The following ZNF75D variants were observed in gnomAD, a reference collection of about 807,000 sequenced individuals.
ZNF75D encodes the protein zinc finger protein 75D.
Under a neutral mutation model 33.3 loss-of-function variants are expected in ZNF75D, and 33 were observed. The ratio of observed to expected loss-of-function variants is 0.99; its 90% CI spans 0.75 to 1.32. ZNF75D has a LOEUF of 1.32. Ranked by LOEUF, ZNF75D falls within the 40% of genes most tolerant of loss-of-function variation. The pLI, the probability that ZNF75D is intolerant of heterozygous loss-of-function variation, is 0.00. For synonymous variants in ZNF75D, 113 were observed against 130.6 expected, an observed-to-expected ratio of 0.87 and a Z score of 0.92; for missense variants, 338 against 367.5, an observed-to-expected ratio of 0.92 and a Z score of 0.66.
In ZNF75D at chrX:135,332,245, T is replaced by G. The variant is rs956099841; in HGVS notation, c.-391+9523A>C. Among the ~76,000 whole-genome samples, 10 of 111,569 alleles carry G rather than the reference T, an allele frequency of 9.0e-5. No individual in the cohort carries two copies. The Admixed American group carries it at 9.5e-4, about 11-fold the overall frequency. On this transcript the variant is annotated intron_variant, in intron 1 of 6. Transcript: ENST00000370766. Reference sequence around the variant, plus strand: ...GGATGCATAGTTACACATGGATAAATCTCACCATCATATTGAGTGAGAAAA... The same window carrying G: ...GGATGCATAGTTACACATGGATAAAGCTCACCATCATATTGAGTGAGAAAA...
At chrX:135,314,908 C>A (rs1164322175) in intron 1 of ZNF75D, among the ~76,000 whole-genome samples, 4 of 111,559 alleles carry the variant, frequency 3.6e-5, no homozygotes, top group Non-Finnish European at 7.6e-5. Context: ...TGTTTATCAA[C>A]CAACTTTTCA....
At chrX:135,314,861 C>T (rs1345028755) in intron 1 of ZNF75D, among the ~76,000 whole-genome samples, 2 of 111,485 alleles carry the variant, frequency 1.8e-5, no homozygotes, top group Non-Finnish European at 3.8e-5. Context: ...TGGGTCTTCT[C>T]TCTTCTTGAT....
At chrX:135,264,847 G>A (rs2083856721) in intron 1 of ZNF75D, among the ~76,000 whole-genome samples, 1 of 110,985 alleles carries the variant, frequency 9.0e-6, no homozygotes, top group Non-Finnish European at 1.9e-5. Context: ...AATCAGAGGA[G>A]ACAAAAGAAA....
chrX:135,328,342 T>C (rs782426469), intron 1 of ZNF75D, among the ~76,000 whole-genome samples: 25 of 111,558 alleles, frequency 2.2e-4, no homozygotes, highest in African/African-American at 6.2e-4. Flanking sequence ...GTAAAGACCC[T>C]GAGGCCATGT....
intron 1 of ZNF75D, among the ~76,000 whole-genome samples, chrX:135,323,127 TGTATTCAG>T (rs1292055981): frequency 8.9e-6 from 1 of 112,383 alleles, no homozygotes; most frequent in Non-Finnish European, 1.9e-5. Flanking sequence ...TCTTCACCCT[TGTATTCAG>T]GTTTTTTAAG....
chrX:135,304,516 GA>G (rs2084260018), intron 1 of ZNF75D, among the ~76,000 whole-genome samples: 1 of 111,156 alleles, frequency 9.0e-6, no homozygotes. Context: ...AGATCTCCAT[GA>G]AATCCCAGGG....
intron 1 of ZNF75D, among the ~76,000 whole-genome samples, chrX:135,271,695 C>A (rs1279883871): frequency 2.7e-5 from 3 of 112,008 alleles, no homozygotes; most frequent in African/African-American, 9.7e-5. Context: ...CTCTAAATAA[C>A]TCCAGATGGC....
intron 1 of ZNF75D, among the ~76,000 whole-genome samples, chrX:135,313,694 G>C: frequency 9.0e-6 from 1 of 111,451 alleles, no homozygotes; most frequent in African/African-American, 3.3e-5. Context: ...TTTCCTTGCA[G>C]AAATCTTTCA....
At chrX:135,276,548 G>C (rs1236670987) in intron 1 of ZNF75D, among the ~76,000 whole-genome samples, 1 of 111,321 alleles carries the variant, frequency 9.0e-6, no homozygotes, top group Admixed American at 9.5e-5. Flanking sequence ...GTGCAGGTTT[G>C]TTACATAGGT....
intron 5 of ZNF75D, 105 bp from the exon 6 acceptor site, chrX:135,291,240 T>G: frequency 9.9e-7 from 1 of 1,013,105 alleles, no homozygotes; most frequent in Non-Finnish European, 1.4e-6. Context: ...ATGTGAACAG[T>G]ACAAGATTTA....
intron 2 of ZNF75D, 118 bp from the exon 3 acceptor site, chrX:135,294,376 A>C: frequency 3.2e-6 from 1 of 308,850 alleles, no homozygotes; most frequent in Non-Finnish European, 5.6e-6. Context: ...TTCTTCTTTA[A>C]AATCAACTGC....
At chrX:135,337,872 G>A (rs2148497312) in intron 1 of ZNF75D, among the ~76,000 whole-genome samples, 1 of 111,177 alleles carries the variant, frequency 9.0e-6, no homozygotes, top group African/African-American at 3.3e-5. Flanking sequence ...GGCAGGGAAG[G>A]GTCAAGAAGG....
chrX:135,273,347 G>C (rs1170412653), intron 1 of ZNF75D, among the ~76,000 whole-genome samples: 1 of 110,865 alleles, frequency 9.0e-6, no homozygotes, highest in Non-Finnish European at 1.9e-5. Flanking sequence ...CGCAGCTCAG[G>C]GCGAACTCAC....
At chrX:135,274,775 C>G (rs959912669) in intron 1 of ZNF75D, among the ~76,000 whole-genome samples, 7 of 111,947 alleles carry the variant, frequency 6.3e-5, no homozygotes, top group African/African-American at 2.3e-4. Context: ...TTTTGATGCT[C>G]ACTTAATATC....
chrX:135,319,022 C>T (rs1188163589), intron 1 of ZNF75D, among the ~76,000 whole-genome samples: 1 of 111,248 alleles, frequency 9.0e-6, no homozygotes, highest in Non-Finnish European at 1.9e-5. Context: ...CAACTGTACA[C>T]ACATTCTTCT....
intron 1 of ZNF75D, among the ~76,000 whole-genome samples, chrX:135,272,465 G>A (rs1031639768): frequency 8.2e-5 from 9 of 109,116 alleles, no homozygotes; most frequent in South Asian, 8.2e-4. Flanking sequence ...ACTGTGTGTC[G>A]AAGTCATTTG....
chrX:135,306,540 C>T (rs1420433766), intron 1 of ZNF75D, among the ~76,000 whole-genome samples: 10 of 111,912 alleles, frequency 8.9e-5, no homozygotes, highest in African/African-American at 3.2e-4. Flanking sequence ...TAATCCTTCG[C>T]ATTTTTTCCA....
intron 1 of ZNF75D, among the ~76,000 whole-genome samples, chrX:135,325,392 G>A (rs994934713): frequency 4.5e-5 from 5 of 110,926 alleles, no homozygotes; most frequent in Admixed American, 9.3e-5. Context: ...CTGCACTGTG[G>A]GAGCCCCTTT....
At chrX:135,319,040 G>A (rs182879188) in intron 1 of ZNF75D, among the ~76,000 whole-genome samples, 12 of 110,906 alleles carry the variant, frequency 1.1e-4, no homozygotes, top group Non-Finnish European at 1.9e-4. Flanking sequence ...TCTATTTTCT[G>A]TGTGACTGAG....
Sources: allele counts gnomAD v4.1 joint callset (sites outside exome capture counted in the v4.1 genomes callset), GRCh38; gene constraint gnomAD v4.1.1; transcripts MANE v1.5; gene names NCBI Gene and HGNC (gene_info 2026-07-23, HGNC 2026-07-21).